Variants in CSMD1 observed in about 807,000 individuals in gnomAD.
The protein encoded by CSMD1 is CUB and Sushi multiple domains 1, also known as CUB and sushi domain-containing protein 1.
Under a neutral mutation model 417.5 loss-of-function variants are expected in CSMD1, and 213 were observed. The ratio of observed to expected loss-of-function variants is 0.51; its 90% CI spans 0.46 to 0.57. CSMD1 has a LOEUF of 0.57. Among genes scored for constraint, CSMD1 ranks in the 20% least tolerant of loss-of-function variants. The pLI is 0.00. For synonymous variants in CSMD1, 2,862 were observed against 1,736.8 expected (o/e 1.65, Z -16.11); for missense variants, 6,923 against 4,529.7 (o/e 1.53, Z -15.17).
In CSMD1 at chr8:3,908,547, CT is replaced by C. The variant is rs780736980; in HGVS notation, c.818+89355del. Among the ~76,000 whole-genome samples, 12 of 152,136 alleles carry C rather than the reference CT, an allele frequency of 7.9e-5. 1 individual carries two copies. Among genetic ancestry groups the C allele is most frequent in the Non-Finnish European group, 1.5e-4 (10 of 68,034 alleles). ...AAAAACTCCTAACCTAAGGGAAACA[CT>C]TTTGTAGCTATGGAGCTCACATTTG... On this transcript the variant is annotated intron_variant, in intron 5 of 69. Transcript: ENST00000635120.
intron 2 of CSMD1, among the ~76,000 whole-genome samples, chr8:4,550,978 C>A (rs1797844529): frequency 1.3e-5 from 2 of 152,158 alleles, no homozygotes; most frequent in Admixed American, 6.5e-5. Flanking sequence ...AAAAGAAATA[C>A]ACCAAACAAA....
intron 23 of CSMD1, among the ~76,000 whole-genome samples, chr8:3,309,201 T>G (rs1326374308): frequency 6.6e-6 from 1 of 152,132 alleles, no homozygotes; most frequent in Non-Finnish European, 1.5e-5. Flanking sequence ...GGGCCACCTA[T>G]CGGCACTGCC....
intron 4 of CSMD1, among the ~76,000 whole-genome samples, chr8:4,031,037 C>T (rs543941788): frequency 6.6e-6 from 1 of 152,148 alleles, no homozygotes; most frequent in Non-Finnish European, 1.5e-5. Context: ...TTGTCCATAT[C>T]ATCAGCACTT....
At chr8:3,684,661 T>G (rs191912022) in intron 7 of CSMD1, among the ~76,000 whole-genome samples, 1,881 of 150,086 alleles carry the variant, frequency 0.013, 37 homozygotes, top group African/African-American at 0.044. Context: ...GCAGTGGCGC[T>G]ATCTCCGCTC....
intron 5 of CSMD1, among the ~76,000 whole-genome samples, chr8:3,907,946 G>T (rs944424422): frequency 1.3e-5 from 2 of 151,966 alleles, no homozygotes; most frequent in Non-Finnish European, 2.9e-5. Flanking sequence ...GATTTTTTTG[G>T]GGGGTGTGGG....
chr8:3,389,403 T>C (rs992037172), intron 17 of CSMD1, among the ~76,000 whole-genome samples: 6 of 152,262 alleles, frequency 3.9e-5, no homozygotes, highest in Middle Eastern at 3.4e-3. Context: ...TTGCTAAGGA[T>C]AATGACATCC....
At chr8:4,312,688 C>A (rs546741120) in intron 3 of CSMD1, among the ~76,000 whole-genome samples, 1 of 151,704 alleles carries the variant, frequency 6.6e-6, no homozygotes, top group Admixed American at 6.6e-5. Context: ...ACCAGCCTGG[C>A]CAACCTGACG....
chr8:4,801,752 T>A lies in CSMD1; in HGVS notation c.86-164194A>T, dbSNP rs11136779. ...TTAATAATAGGAAAAACACAGAAAC[T>A]TTGTGAGGCAAAAAGAAAAAAAAAT... On this transcript the variant is annotated intron_variant, in intron 1 of 69. Coordinates refer to ENST00000635120, the MANE Select transcript of CSMD1 (RefSeq NM_033225.6). Among the ~76,000 whole-genome samples the A allele has an allele frequency of 2.7e-5, 4 of 150,868 alleles. No homozygotes were observed. In the East Asian group the frequency reaches 8.1e-4, roughly 30 times the overall value.
intron 2 of CSMD1, among the ~76,000 whole-genome samples, chr8:4,536,204 C>G (rs189353247): frequency 3.9e-5 from 6 of 152,186 alleles, no homozygotes; most frequent in African/African-American, 1.2e-4. Flanking sequence ...TTTAACGATG[C>G]TTTTGCATTT....
chr8:3,807,501 A>G (rs1328441894), intron 5 of CSMD1, among the ~76,000 whole-genome samples: 4 of 152,210 alleles, frequency 2.6e-5, no homozygotes, highest in Non-Finnish European at 5.9e-5. Context: ...ACATGAATGC[A>G]GCATTACCAG....
intron 2 of CSMD1, among the ~76,000 whole-genome samples, chr8:4,602,441 AAGG>A (rs1332902497): frequency 6.6e-6 from 1 of 152,198 alleles, no homozygotes; most frequent in African/African-American, 2.4e-5. Context: ...AAATATTTAT[AAGG>A]AGGACAGCTG....
intron 3 of CSMD1, among the ~76,000 whole-genome samples, chr8:4,162,727 C>T (rs13252186): frequency 0.39 from 59,018 of 151,754 alleles, 11,673 homozygotes; most frequent in Middle Eastern, 0.5. Flanking sequence ...TTGTTCCAAT[C>T]GATGAACTTA....
At chr8:4,191,964 AC>A (rs990329137) in intron 3 of CSMD1, among the ~76,000 whole-genome samples, 35 of 152,260 alleles carry the variant, frequency 2.3e-4, no homozygotes, top group African/African-American at 7.9e-4. Context: ...CAGGCAAAAC[AC>A]CCGTAGAGGA....
intron 50 of CSMD1, among the ~76,000 whole-genome samples, chr8:3,031,210 A>G (rs1810318168): frequency 6.7e-6 from 1 of 149,518 alleles, no homozygotes; most frequent in South Asian, 2.1e-4. Flanking sequence ...AATGCATTTA[A>G]TTTCACCAAA....
At chr8:2,956,059 G>T (rs1802989092) in intron 63 of CSMD1, among the ~76,000 whole-genome samples, 1 of 151,818 alleles carries the variant, frequency 6.6e-6, no homozygotes, top group Admixed American at 6.6e-5. Context: ...TTTATACATA[G>T]GTAATTATGT....
chr8:3,270,428 T>A (rs1451007676), intron 26 of CSMD1, among the ~76,000 whole-genome samples: 1 of 152,128 alleles, frequency 6.6e-6, no homozygotes, highest in Non-Finnish European at 1.5e-5. Context: ...ATGATCAGTT[T>A]TAATGAAGAA....
intron 3 of CSMD1, among the ~76,000 whole-genome samples, chr8:4,132,022 T>G (rs1173419558): frequency 6.6e-6 from 1 of 152,022 alleles, no homozygotes; most frequent in African/African-American, 2.4e-5. Context: ...ACTATTTCTA[T>G]CAGAATCCCT....
intron 3 of CSMD1, among the ~76,000 whole-genome samples, chr8:4,221,678 A>G (rs752963430): frequency 9.2e-5 from 14 of 152,190 alleles, no homozygotes; most frequent in Non-Finnish European, 1.6e-4. Flanking sequence ...AGGCACTGCC[A>G]TTCCCACATT....
chr8:4,733,781 C>A (rs1810050113), intron 1 of CSMD1, among the ~76,000 whole-genome samples: 1 of 152,150 alleles, frequency 6.6e-6, no homozygotes, highest in South Asian at 2.1e-4. Flanking sequence ...ACAACAACGA[C>A]AAAATCCTTC....
Sources: gnomAD v4.1 joint callset for allele counts (sites outside exome capture counted in the v4.1 genomes callset) on GRCh38, gnomAD v4.1.1 for gene constraint, MANE v1.5 for transcripts, NCBI Gene and HGNC (gene_info 2026-07-23, HGNC 2026-07-21) for gene names.